The following ADAM10 variants were observed in gnomAD, a reference collection of about 807,000 sequenced individuals.
ADAM10 encodes disintegrin and metalloproteinase domain-containing protein 10.
A neutral mutation model predicts 90.1 loss-of-function variants in ADAM10; 17 were observed. The observed-to-expected ratio is 0.19, with a 90% CI of 0.13 to 0.28. The LOEUF is 0.28. Ranked by LOEUF, ADAM10 falls within the 10% of genes least tolerant of loss-of-function variation. ADAM10 has a pLI of 1.00. For missense variants in ADAM10, 610 were observed against 914.3 expected (o/e 0.67, Z 4.29); for synonymous variants, 310 against 298.6 (o/e 1.04, Z -0.40).
Position 58,590,976 on chromosome 15 carries a change from C to G in ADAM10, c.*6571G>C, listed in dbSNP as rs1332839853. On this transcript the variant is annotated 3_prime_UTR_variant, in exon 16 of 16. Coordinates refer to ENST00000260408, the MANE Select transcript of ADAM10 (RefSeq NM_001110.4). The stretch of plus-strand genomic sequence containing the variant: ...TATTTCCACCTCCAGGGAACATGAT[C>G]ATTTAAACAAGAGAGGGCAGAAGAA... 6.6e-6 allele frequency: 1 copy of G among 152,160 alleles called. No homozygotes were observed. The highest frequency in any genetic ancestry group is 2.4e-5 in the African/African-American group (1 of 41,438). 9.4% of individuals were successfully genotyped at this position (152,160 alleles called of 1,614,324 possible). A position where few individuals can be genotyped will look rare whatever the true frequency, so the allele number is the denominator to read the frequency against.
chr15:58,669,419 G>A (rs865778229), intron 4 of ADAM10, among the ~76,000 whole-genome samples: 44 of 152,180 alleles, frequency 2.9e-4, no homozygotes, highest in Admixed American at 2.0e-3. Context: ...AGTAAAGAGA[G>A]GATACCCAGA....
rs766500368 is a variant in ADAM10 at position 58,606,317 on chromosome 15, A to T, written c.2025+3980T>A. On this transcript the variant is annotated intron_variant, in intron 14 of 15. Transcript: ENST00000260408. ...CAGCAGCAGCAACAGCGATCTGCCAAGCAGAAAGCAACTTGCTACTAAACT... is the reference window on the plus strand; with the variant it reads ...CAGCAGCAGCAACAGCGATCTGCCATGCAGAAAGCAACTTGCTACTAAACT... Among the ~76,000 whole-genome samples the T allele has an allele frequency of 4.4e-4, 67 of 152,242 alleles. 1 individual carries two copies. The highest frequency in any genetic ancestry group is 1.6e-4 in the Non-Finnish European group (11 of 68,054).
At chr15:58,674,218 G>C (rs1336781645) in intron 4 of ADAM10, among the ~76,000 whole-genome samples, 1 of 152,130 alleles carries the variant, frequency 6.6e-6, no homozygotes. Context: ...AAAAGGAAAA[G>C]ACAGAGTCAA....
chr15:58,696,079 G>A (rs1897970599), intron 2 of ADAM10, among the ~76,000 whole-genome samples: 1 of 152,088 alleles, frequency 6.6e-6, no homozygotes, highest in Admixed American at 6.5e-5. Context: ...TTGCACCACT[G>A]CACTCCAGCC....
At chr15:58,629,420 T>C (rs1303134921) in intron 9 of ADAM10, 1 of 152,170 alleles carries the variant, frequency 6.6e-6, no homozygotes, top group Non-Finnish European at 1.5e-5. Flanking sequence ...GGGAAACAGG[T>C]TGTAAGCAAG....
In ADAM10 at chr15:58,682,217, T is replaced by C. The variant is rs200653782; in HGVS notation, c.304A>G (p.Ile102Val). 3.7e-6 allele frequency: 6 copies of C among 1,612,838 alleles called. No individual in the cohort carries two copies. The Admixed American group carries it at 5.0e-5, about 13-fold the overall frequency. ...TTACCATAAATATGTCCAGTGTAAA[T>C]ATGAGAGGTATCATAATCAAGTACT... Reference protein sequence around the residue: ...NKVLDYDTSHIYTGHIYGEEG... With the variant: ...NKVLDYDTSHVYTGHIYGEEG... Residue 102 changes from isoleucine to valine, a missense_variant, in exon 3 of 16, where the codon ATT becomes GTT. Ile to Val is a conservative substitution (Grantham distance 29, BLOSUM62 3). This residue lies in a region of ADAM10 where 310 missense variants were observed against 362.4 expected (regional missense o/e 0.86). Coordinates refer to ENST00000260408, the MANE Select transcript of ADAM10 (RefSeq NM_001110.4).
intron 8 of ADAM10, among the ~76,000 whole-genome samples, chr15:58,635,889 T>G (rs1377972160): frequency 6.6e-6 from 1 of 152,184 alleles, no homozygotes; most frequent in African/African-American, 2.4e-5. Context: ...AGAGTATACA[T>G]AAATTAGAAT....
chr15:58,720,526 G>A (rs770962365), intron 1 of ADAM10, among the ~76,000 whole-genome samples: 5 of 151,218 alleles, frequency 3.3e-5, no homozygotes, highest in South Asian at 2.1e-4. Context: ...TCAGCCTCCC[G>A]AGTAACTGGA....
At chr15:58,733,955 T>C (rs1415691862) in intron 1 of ADAM10, among the ~76,000 whole-genome samples, 4 of 151,094 alleles carry the variant, frequency 2.6e-5, no homozygotes, top group Non-Finnish European at 4.4e-5. Context: ...TTGCTTCTCA[T>C]TCTTGTTTTA....
intron 6 of ADAM10, 115 bp downstream of exon 6, chr15:58,645,940 T>G: frequency 2.6e-6 from 3 of 1,145,604 alleles, no homozygotes; most frequent in Non-Finnish European, 3.8e-6. Context: ...ACATCACAAC[T>G]GAAAACACAT....
In ADAM10 at chr15:58,599,608, T is replaced by C. The variant is rs1326222632; in HGVS notation, c.2142A>G (p.Lys714=). 6.2e-7 allele frequency: 1 copy of C among 1,613,392 alleles called. No individual in the cohort carries two copies. The highest frequency in any genetic ancestry group is 8.5e-7 in the Non-Finnish European group (1 of 1,179,604). The part of the protein sequence containing the change: ...PSSNPKLPPP[K]PLPGTLKRRR... ...CTCAAATATTCTTACCTGGAAGTGG[T>C]TTAGGAGGAGGCAACTTTGGATTAC... Residue 714 remains lysine (K), a synonymous_variant, in exon 15 of 16, where the codon AAA becomes AAG. Transcript: ENST00000260408.
At chr15:58,645,648 C>T (rs1406010962) in intron 6 of ADAM10, among the ~76,000 whole-genome samples, 3 of 152,070 alleles carry the variant, frequency 2.0e-5, no homozygotes, top group African/African-American at 7.2e-5. Flanking sequence ...AATATTTATA[C>T]TTTAATGAGG....
At chr15:58,718,956 C>G (rs938975201) in intron 1 of ADAM10, among the ~76,000 whole-genome samples, 3 of 152,206 alleles carry the variant, frequency 2.0e-5, no homozygotes, top group Admixed American at 6.5e-5. Context: ...AGGCAGAAAG[C>G]TGGCACAATC....
chr15:58,711,486 T>C (rs1465804901), intron 2 of ADAM10, among the ~76,000 whole-genome samples: 2 of 152,144 alleles, frequency 1.3e-5, no homozygotes, highest in Admixed American at 6.6e-5. Flanking sequence ...GGAAAGTCAA[T>C]TAGTCTGAAT....
At position 58,727,227 on chromosome 15, in the gene ADAM10, G is replaced by A. The variant is rs183173262; in HGVS notation, c.56-9500C>T. Among the ~76,000 whole-genome samples, 8 of 119,012 alleles carry A rather than the reference G, an allele frequency of 6.7e-5. No individual in the cohort carries two copies. In the South Asian group the frequency reaches 1.0e-3, roughly 15 times the overall value. 78.1% of individuals were successfully genotyped at this position (119,012 alleles called of 152,430 possible). ...TTTTCCCAAAAACAGCGTTTCGCTCGTTGCCCAGGCCGTAGCGCAACGGCG... is the reference window on the plus strand; with the variant it reads ...TTTTCCCAAAAACAGCGTTTCGCTCATTGCCCAGGCCGTAGCGCAACGGCG... On this transcript the variant is annotated intron_variant, in intron 1 of 15. Coordinates refer to ENST00000260408, the MANE Select transcript of ADAM10 (RefSeq NM_001110.4).
At chr15:58,612,507 C>T (rs1327377259) in intron 11 of ADAM10, among the ~76,000 whole-genome samples, 1 of 152,200 alleles carries the variant, frequency 6.6e-6, no homozygotes, top group Non-Finnish European at 1.5e-5. Context: ...GTGCTGTTCC[C>T]TGCCCCCTAG....
intron 2 of ADAM10, among the ~76,000 whole-genome samples, chr15:58,685,088 T>C (rs1039912285): frequency 2.7e-5 from 4 of 149,444 alleles, no homozygotes; most frequent in Non-Finnish European, 5.9e-5. Flanking sequence ...TATAACTGTA[T>C]ACTACAAAGC....
intron 4 of ADAM10, among the ~76,000 whole-genome samples, chr15:58,675,931 C>A (rs1329769618): frequency 1.3e-5 from 2 of 152,122 alleles, no homozygotes; most frequent in African/African-American, 4.8e-5. Context: ...ATACCAAATC[C>A]AATTAAGAAC....
At chr15:58,721,507 G>A (rs548918537) in intron 1 of ADAM10, among the ~76,000 whole-genome samples, 2 of 152,226 alleles carry the variant, frequency 1.3e-5, no homozygotes, top group African/African-American at 2.4e-5. Flanking sequence ...AATGAAGAGG[G>A]AAATAAGGGG....
Sources: allele counts gnomAD v4.1 joint callset (sites outside exome capture counted in the v4.1 genomes callset), GRCh38; gene constraint gnomAD v4.1.1; regional missense constraint gnomAD v4.1.1; transcripts MANE v1.5; gene names NCBI Gene and HGNC (gene_info 2026-07-23, HGNC 2026-07-21).